The following TSEN15 variants were observed in gnomAD, a reference collection of about 807,000 sequenced individuals.
TSEN15 encodes tRNA-splicing endonuclease subunit Sen15.
Under a neutral mutation model 20.5 loss-of-function variants are expected in TSEN15, and 10 were observed. The observed-to-expected ratio is 0.49, with a 90% confidence interval of 0.30 to 0.83. The LOEUF is 0.83. Among genes scored for constraint, TSEN15 ranks in the 40% least tolerant of loss-of-function variants. The probability of loss-of-function intolerance (pLI) is 0.06; values close to 1 mark genes in which losing one functional copy is unlikely to be tolerated. For synonymous variants in TSEN15, 72 were observed against 80.1 expected, an observed-to-expected ratio of 0.90 and a Z score of 0.54; for missense variants, 180 against 218.6, an observed-to-expected ratio of 0.82 and a Z score of 1.11.
At position 184,073,426 on chromosome 1, in the gene TSEN15, G is replaced by A. The variant is rs891196659; in HGVS notation, c.*579G>A. ...AAAACTCAAAATATGTTCATCCAGA[G>A]TGTGTCTTAAGTAACTTACGTGTCT... On this transcript the variant is annotated 3_prime_UTR_variant, in exon 5 of 5. Coordinates refer to ENST00000645668, the MANE Select transcript of TSEN15 (RefSeq NM_052965.4). 2.0e-5 allele frequency: 3 copies of A among 152,606 alleles called. No individual in the cohort carries two copies. Among genetic ancestry groups the A allele is most frequent in the African/African-American group, 4.8e-5 (2 of 41,430 alleles). The allele number at this position is 152,606 out of a possible 1,614,324, so 9.5% of individuals were successfully genotyped here.
chr1:184,074,389 T>G (rs1019469092), downstream of TSEN15, among the ~76,000 whole-genome samples: 4 of 152,158 alleles, frequency 2.6e-5, no homozygotes, highest in South Asian at 8.3e-4. Flanking sequence ...GGCTCCAGTC[T>G]CATCTGAGAC....
At chr1:184,056,203 C>A (rs1650245481) in intron 3 of TSEN15, among the ~76,000 whole-genome samples, 1 of 152,146 alleles carries the variant, frequency 6.6e-6, no homozygotes, top group African/African-American at 2.4e-5. Context: ...TTTTCACCTG[C>A]AGTGTAAATA....
rs1553221928 is a variant in TSEN15, at chr1:184,073,466, C to CCTCT, written c.*619_*620insCTCT. The CCTCT allele has an allele frequency of 6.6e-6, 1 of 152,568 alleles. No homozygotes were observed. The highest frequency in any genetic ancestry group is 1.5e-5 in the Non-Finnish European group (1 of 68,052). 9.5% of individuals were successfully genotyped at this position (152,568 alleles called of 1,614,324 possible). A position where few individuals can be genotyped will look rare whatever the true frequency, so the allele number is the denominator to read the frequency against. On this transcript the variant is annotated 3_prime_UTR_variant, in exon 5 of 5. Transcript: ENST00000645668. Reference sequence around the variant, plus strand: ...CTTACGTGTCTTAAGTAACAGGGACCAGAGACATGTTACCTACAAGAGTTC... The same window carrying CCTCT: ...CTTACGTGTCTTAAGTAACAGGGACCCTCTAGAGACATGTTACCTACAAGAGTTC...
chr1:184,075,910 A>AT (rs200324927), downstream of TSEN15, among the ~76,000 whole-genome samples: 9,721 of 123,658 alleles, frequency 0.079, 499 homozygotes, highest in Admixed American at 0.18. Context: ...ATATATATAT[A>AT]TTTTTTTTTT....
At chr1:184,068,083 G>A (rs1650751433) in intron 3 of TSEN15, among the ~76,000 whole-genome samples, 1 of 150,084 alleles carries the variant, frequency 6.7e-6, no homozygotes, top group African/African-American at 2.5e-5. Flanking sequence ...CTTTTTAGTT[G>A]AATTTTTTTT....
At chr1:184,072,690 A>G in intron 4 of TSEN15, 137 bp from the exon 5 acceptor site, 1 of 731,530 alleles carries the variant, frequency 1.4e-6, no homozygotes, top group Non-Finnish European at 2.3e-6. Context: ...TTTTAATAAG[A>G]TAAATGTGCT....
Position 184,073,156 on chromosome 1 carries a change from T to C in TSEN15, c.*309T>C. 1 of 269,826 alleles carries C rather than the reference T, an allele frequency of 3.7e-6. No homozygotes were observed. The highest frequency in any genetic ancestry group is 6.9e-6 in the Non-Finnish European group (1 of 145,188). The allele number at this position is 269,826 out of a possible 1,614,324, so 16.7% of individuals were successfully genotyped here. On this transcript the variant is annotated 3_prime_UTR_variant, in exon 5 of 5. Transcript: ENST00000645668. ...GTGTGCTGCTTTTGTCATCCCACAC[T>C]CAAAGTTGTCTCTTTGTTTCTTGCT...
intron 3 of TSEN15, among the ~76,000 whole-genome samples, chr1:184,060,812 T>C (rs1481295384): frequency 6.6e-6 from 1 of 152,200 alleles, no homozygotes; most frequent in East Asian, 1.9e-4. Flanking sequence ...GAGTTTCTCT[T>C]GCTTTATTGG....
intron 3 of TSEN15, among the ~76,000 whole-genome samples, chr1:184,086,102 C>A (rs1030609916): frequency 6.6e-6 from 1 of 152,166 alleles, no homozygotes; most frequent in Non-Finnish European, 1.5e-5. Flanking sequence ...TATTCCAAAG[C>A]TTCTGCCATG....
intron 3 of TSEN15, among the ~76,000 whole-genome samples, chr1:184,081,172 T>G (rs537645319): frequency 6.6e-6 from 1 of 152,274 alleles, no homozygotes; most frequent in South Asian, 2.1e-4. Context: ...TGTTAAAAGC[T>G]TTGATGAGGA....
intron 3 of TSEN15, among the ~76,000 whole-genome samples, chr1:184,067,623 T>C (rs1650717332): frequency 6.6e-6 from 1 of 151,988 alleles, no homozygotes; most frequent in Admixed American, 6.6e-5. Context: ...AAAATTAGAA[T>C]GTCTGCAAAA....
intron 3 of TSEN15, among the ~76,000 whole-genome samples, chr1:184,091,975 T>G (rs1651365462): frequency 6.6e-6 from 1 of 152,176 alleles, no homozygotes; most frequent in South Asian, 2.1e-4. Context: ...AGCAGTTGGA[T>G]GGTGGGTGGC....
chr1:184,053,174 A>G (rs1650116831), intron 1 of TSEN15, among the ~76,000 whole-genome samples: 1 of 152,176 alleles, frequency 6.6e-6, no homozygotes, highest in South Asian at 2.1e-4. Flanking sequence ...TGACCATCAA[A>G]TCTCCCCTTT....
chr1:184,056,540 A>G (rs1650253525), intron 3 of TSEN15, among the ~76,000 whole-genome samples: 2 of 152,062 alleles, frequency 1.3e-5, no homozygotes. Flanking sequence ...CTTAATTTGA[A>G]TATAATCATA....
intron 3 of TSEN15, among the ~76,000 whole-genome samples, chr1:184,082,731 G>A (rs939737032): frequency 1.3e-5 from 2 of 151,946 alleles, no homozygotes; most frequent in Non-Finnish European, 2.9e-5. Flanking sequence ...TTGTCTTAGG[G>A]GTAGGAAAAA....
intron 3 of TSEN15, among the ~76,000 whole-genome samples, chr1:184,084,670 C>T (rs1651229378): frequency 6.6e-6 from 1 of 151,900 alleles, no homozygotes; most frequent in Admixed American, 6.6e-5. Flanking sequence ...CAGCATCTGG[C>T]AAGGGCCTGC....
chr1:184,082,397 C>G (rs1651186896), intron 3 of TSEN15, among the ~76,000 whole-genome samples: 1 of 152,118 alleles, frequency 6.6e-6, no homozygotes. Context: ...GATACACTTT[C>G]CCAGCCATAT....
Position 184,065,259 on chromosome 1 carries a change from G to A in TSEN15, c.354-6898G>A, listed in dbSNP as rs1487458734. The stretch of plus-strand genomic sequence containing the variant: ...CAGAAAAAATTGAGCAGATAGTACA[G>A]AGATTTCCCATCTAAGTCCCAGTCC... On this transcript the variant is annotated intron_variant, in intron 3 of 4. Coordinates refer to ENST00000645668, the MANE Select transcript of TSEN15 (RefSeq NM_052965.4). Among the ~76,000 whole-genome samples, 6 of 152,050 alleles carry A rather than the reference G, an allele frequency of 3.9e-5. No homozygotes were observed. The East Asian group carries it at 1.2e-3, about 29-fold the overall frequency.
intron 3 of TSEN15, among the ~76,000 whole-genome samples, chr1:184,085,230 C>T (rs1025664900): frequency 1.3e-5 from 2 of 152,120 alleles, no homozygotes; most frequent in African/African-American, 4.8e-5. Flanking sequence ...GCATTTAAGT[C>T]ATGGGATATG....
Sources: allele counts gnomAD v4.1 joint callset (sites outside exome capture counted in the v4.1 genomes callset), GRCh38; gene constraint gnomAD v4.1.1; transcripts MANE v1.5; gene names NCBI Gene and HGNC (gene_info 2026-07-23, HGNC 2026-07-21).